The following NRXN3 variants were observed in gnomAD, a reference collection of about 807,000 sequenced individuals.
The protein encoded by NRXN3 is neurexin 3, also known as neurexin III.
In NRXN3, 32 loss-of-function variants were observed where a neutral mutation model predicts 137.6. The observed-to-expected ratio is 0.23, with a 90% CI of 0.18 to 0.31. The LOEUF is 0.31. Ranked by LOEUF, NRXN3 falls within the 10% of genes least tolerant of loss-of-function variation. NRXN3 has a pLI of 1.00. For missense variants in NRXN3, 1,574 were observed against 2,062.5 expected (o/e 0.76, Z 4.59); for synonymous variants, 798 against 784.5 (o/e 1.02, Z -0.29).
intron 15 of NRXN3, among the ~76,000 whole-genome samples, chr14:79,304,120 G>A (rs189295445): frequency 6.6e-6 from 1 of 152,164 alleles, no homozygotes; most frequent in East Asian, 1.9e-4. Flanking sequence ...AAAGAGAATG[G>A]GATATACTGC....
intron 4 of NRXN3, among the ~76,000 whole-genome samples, chr14:78,359,093 C>T (rs893174241): frequency 6.6e-6 from 1 of 152,068 alleles, no homozygotes; most frequent in East Asian, 1.9e-4. Flanking sequence ...GGGTCTACAG[C>T]CCATTTAGTA....
At chr14:79,414,868 T>C (rs2095473818) in intron 15 of NRXN3, among the ~76,000 whole-genome samples, 1 of 152,080 alleles carries the variant, frequency 6.6e-6, no homozygotes, top group Non-Finnish European at 1.5e-5. Flanking sequence ...CCATTTCCCC[T>C]ATTTCCTGAC....
At chr14:78,834,520 G>A (rs139585448) in intron 10 of NRXN3, among the ~76,000 whole-genome samples, 16 of 152,268 alleles carry the variant, frequency 1.1e-4, no homozygotes, top group Non-Finnish European at 2.1e-4. Context: ...AGGTTCATTC[G>A]TGCTAACTCC....
At chr14:78,740,899 T>C (rs556457895) in intron 8 of NRXN3, among the ~76,000 whole-genome samples, 1 of 152,350 alleles carries the variant, frequency 6.6e-6, no homozygotes, top group South Asian at 2.1e-4. Flanking sequence ...ATAAAATCTT[T>C]TGTCAAATAA....
chr14:79,124,709 G>A (rs1436809352), intron 15 of NRXN3, among the ~76,000 whole-genome samples: 2 of 152,138 alleles, frequency 1.3e-5, no homozygotes, highest in African/African-American at 4.8e-5. Context: ...TTTCTGTCTG[G>A]AGGGAAATTT....
At chr14:78,187,556 C>T (rs996828655) in intron 1 of NRXN3, among the ~76,000 whole-genome samples, 2 of 152,144 alleles carry the variant, frequency 1.3e-5, no homozygotes, top group African/African-American at 2.4e-5. Context: ...ACACTCAACA[C>T]TTCACATCAC....
intron 15 of NRXN3, among the ~76,000 whole-genome samples, chr14:79,032,327 C>T (rs951967225): frequency 6.6e-6 from 1 of 152,126 alleles, no homozygotes; most frequent in African/African-American, 2.4e-5. Flanking sequence ...CCTCTATGGT[C>T]ATTGTGCTAT....
chr14:78,747,100 A>G lies in NRXN3; in HGVS notation c.2044+31961A>G, dbSNP rs568325077. On this transcript the variant is annotated intron_variant, in intron 8 of 20. Coordinates refer to ENST00000335750, the MANE Select transcript of NRXN3 (RefSeq NM_001330195.2). The stretch of plus-strand genomic sequence containing the variant: ...GTGTCAGGATGTTAAGTTAGTTGCC[A>G]AGACCTCAAAACTCATAAATAGCAG... 5.3e-5 allele frequency among the ~76,000 whole-genome samples: 8 copies of G among 150,224 alleles called. No individual in the cohort carries two copies. The South Asian group carries it at 1.7e-3, about 32-fold the overall frequency.
chr14:79,462,191 T>C (rs2096353508), intron 15 of NRXN3, among the ~76,000 whole-genome samples: 1 of 151,740 alleles, frequency 6.6e-6, no homozygotes, highest in Admixed American at 6.6e-5. Context: ...CTGACCAACA[T>C]GGTGAAACCC....
At chr14:79,166,196 G>A (rs1455439357) in intron 15 of NRXN3, among the ~76,000 whole-genome samples, 1 of 151,976 alleles carries the variant, frequency 6.6e-6, no homozygotes, top group Non-Finnish European at 1.5e-5. Flanking sequence ...ATGCTAGGTG[G>A]TCTGAAATCT....
chr14:79,816,281 C>T (rs762016179), intron 20 of NRXN3, among the ~76,000 whole-genome samples: 1 of 152,204 alleles, frequency 6.6e-6, no homozygotes, highest in Non-Finnish European at 1.5e-5. Context: ...TCTTTCAACA[C>T]TTCTCAAAGT....
rs931884326 is a variant in NRXN3, at chr14:78,714,800, G to T, written c.1705G>T (p.Gly569Trp). 6.2e-7 allele frequency: 1 copy of T among 1,614,164 alleles called. No individual in the cohort carries two copies. The highest frequency in any genetic ancestry group is 8.5e-7 in the Non-Finnish European group (1 of 1,180,012). Reference protein sequence around the residue: ...NSRRTPFTASGESEILDLEGD... With the variant: ...NSRRTPFTASWESEILDLEGD... ...CAGGCGCACGCCATTCACCGCCAGT[G>T]GGGAGAGCGAGATCCTGGACCTGGA... Residue 569 changes from glycine (G) to tryptophan (W), a missense_variant, in exon 8 of 21, where the codon GGG becomes TGG. Around this residue, in one of 5 missense-constraint regions of NRXN3, gnomAD observed 718 missense variants for 887.6 expected, o/e 0.81. Transcript: ENST00000335750.
intron 4 of NRXN3, among the ~76,000 whole-genome samples, chr14:78,477,795 T>C (rs1420882569): frequency 6.6e-6 from 1 of 152,150 alleles, no homozygotes; most frequent in African/African-American, 2.4e-5. Flanking sequence ...AGAACAAAGA[T>C]TGAGTTACAA....
At chr14:78,341,226 G>A (rs1285514698) in intron 4 of NRXN3, among the ~76,000 whole-genome samples, 1 of 152,084 alleles carries the variant, frequency 6.6e-6, no homozygotes, top group East Asian at 1.9e-4. Flanking sequence ...CCAAGACATG[G>A]GTAATTTGAA....
rs542746628 is a variant in NRXN3, at chr14:78,960,141, G to C, written c.2395+2780G>C. Among the ~76,000 whole-genome samples, 7 of 152,292 alleles carry C rather than the reference G, an allele frequency of 4.6e-5. No individual in the cohort carries two copies. The South Asian group carries it at 1.0e-3, about 23-fold the overall frequency. The stretch of plus-strand genomic sequence containing the variant: ...AGTAATTTGATTTTTTGAAATTAAT[G>C]AAACGCTTTCATTTTCAGACGTGTC... On this transcript the variant is annotated intron_variant, in intron 11 of 20. Transcript: ENST00000335750.
intron 16 of NRXN3, among the ~76,000 whole-genome samples, chr14:79,659,604 G>T (rs1218515754): frequency 6.6e-6 from 1 of 152,140 alleles, no homozygotes; most frequent in Non-Finnish European, 1.5e-5. Flanking sequence ...AAAGAAGGGA[G>T]AAAGAAGACT....
At chr14:78,317,426 C>T (rs78892002) in intron 4 of NRXN3, among the ~76,000 whole-genome samples, 279 of 152,230 alleles carry the variant, frequency 1.8e-3, no homozygotes, top group African/African-American at 6.4e-3. Flanking sequence ...ACAGTGTATG[C>T]GAGGGATCCA....
chr14:79,021,317 G>T (rs2099589292), intron 15 of NRXN3, among the ~76,000 whole-genome samples: 1 of 152,180 alleles, frequency 6.6e-6, no homozygotes, highest in Admixed American at 6.5e-5. Context: ...TACAGCAAGA[G>T]CCAGCAGAAC....
intron 16 of NRXN3, among the ~76,000 whole-genome samples, chr14:79,470,949 A>T (rs377638602): frequency 1.3e-3 from 75 of 57,394 alleles, no homozygotes; most frequent in South Asian, 3.3e-3. Context: ...AAAGAGAGAG[A>T]GAGTGTGTGT....
Sources: gnomAD v4.1 joint callset for allele counts (sites outside exome capture counted in the v4.1 genomes callset) on GRCh38, gnomAD v4.1.1 for gene constraint, gnomAD v4.1.1 regional missense constraint, MANE v1.5 for transcripts, NCBI Gene and HGNC (gene_info 2026-07-23, HGNC 2026-07-21) for gene names.